BRD8: variants seen among roughly 807,000 people sequenced by gnomAD.
BRD8 encodes bromodomain containing 8.
Under a neutral mutation model 143.1 loss-of-function variants are expected in BRD8, and 67 were observed. That is an observed-to-expected ratio of 0.47 (90% CI 0.38 to 0.57). The LOEUF is 0.57. BRD8 is among the 20% of genes least tolerant of loss of function. BRD8 has a pLI of 0.00. For synonymous variants in BRD8, 505 were observed against 517.1 expected (o/e 0.98, Z 0.32); for missense variants, 1,103 against 1,503.0 (o/e 0.73, Z 4.40).
In BRD8 at chr5:138,145,871, G is replaced by C. The variant is rs1368826324; in HGVS notation, c.3286C>G (p.Leu1096Val). The part of the protein sequence containing the change: ...SHATSSKLTD[L>V]SQDDPVQDHL... The stretch of plus-strand genomic sequence containing the variant: ...TCCTGAACAGGGTCATCCTGGCTTA[G>C]ATCAGTCCTATGAGGATAAAACATG... Residue 1096 changes from leucine (L) to valine (V), a missense_variant, in exon 24 of 27, where the codon CTA (leucine) becomes GTA (valine). This residue lies in a region of BRD8 where 369 missense variants were observed against 445.5 expected (regional missense o/e 0.83). Transcript: ENST00000254900. 6.2e-7 allele frequency: 1 copy of C among 1,613,482 alleles called. No homozygotes were observed. Among genetic ancestry groups the C allele is most frequent in the Non-Finnish European group, 8.5e-7 (1 of 1,179,532 alleles).
intron 11 of BRD8, 87 bp from the exon 12 acceptor site, chr5:138,165,253 A>G: frequency 1.4e-6 from 2 of 1,399,938 alleles, no homozygotes; most frequent in Non-Finnish European, 1.9e-6. Flanking sequence ...GATGGCTTGA[A>G]TCTGCAGCTT....
chr5:138,164,613 C>A, intron 12 of BRD8, 101 bp downstream of exon 12: 1 of 1,368,852 alleles, frequency 7.3e-7, no homozygotes, highest in Non-Finnish European at 1.0e-6. Flanking sequence ...TCAAACATGT[C>A]AGAACTCAGG....
intron 4 of BRD8, 33 bp from the exon 5 acceptor site, chr5:138,171,193 C>T: frequency 6.3e-7 from 1 of 1,588,102 alleles, no homozygotes; most frequent in Non-Finnish European, 8.6e-7. Flanking sequence ...AATTCATATT[C>T]AAATAACATA....
At chr5:138,162,818 A>G (rs1332923720) in intron 15 of BRD8, among the ~76,000 whole-genome samples, 1 of 151,966 alleles carries the variant, frequency 6.6e-6, no homozygotes, top group Non-Finnish European at 1.5e-5. Context: ...GCAATGTAGC[A>G]AAACTTGGTT....
At chr5:138,166,404 T>G in intron 10 of BRD8, 114 bp downstream of exon 10, 1 of 674,226 alleles carries the variant, frequency 1.5e-6, no homozygotes, top group South Asian at 1.9e-5. Context: ...AGATGGCACA[T>G]GTCTATGTAG....
chr5:138,141,835 C>T (rs887236442), intron 25 of BRD8, among the ~76,000 whole-genome samples: 2 of 126,038 alleles, frequency 1.6e-5, no homozygotes, highest in Non-Finnish European at 3.9e-5. Flanking sequence ...GACTGAACTG[C>T]AGGTAAGAAT....
chr5:138,164,262 C>T, intron 13 of BRD8, 58 bp downstream of exon 13: 1 of 1,594,564 alleles, frequency 6.3e-7, no homozygotes, highest in Non-Finnish European at 8.6e-7. Flanking sequence ...CCACAACCCA[C>T]AACCCCTCAG....
intron 20 of BRD8, among the ~76,000 whole-genome samples, chr5:138,155,213 G>A (rs1204327846): frequency 1.3e-5 from 2 of 151,750 alleles, no homozygotes; most frequent in East Asian, 2.0e-4. Flanking sequence ...TTGGGAGGCC[G>A]AAGCGGGTGG....
chr5:138,177,322 G>T, intron 2 of BRD8: 2 of 265,886 alleles, frequency 7.5e-6, no homozygotes, highest in Non-Finnish European at 1.5e-5. Flanking sequence ...CTGAGGTCAG[G>T]AGTTCGAGAC....
At chr5:138,141,646 G>C (rs1751914103) in intron 25 of BRD8, among the ~76,000 whole-genome samples, 1 of 152,116 alleles carries the variant, frequency 6.6e-6, no homozygotes, top group Non-Finnish European at 1.5e-5. Context: ...GTTATTTGCT[G>C]TTTACAATGT....
intron 2 of BRD8, among the ~76,000 whole-genome samples, chr5:138,174,654 G>A (rs1366744024): frequency 6.6e-6 from 1 of 151,930 alleles, no homozygotes; most frequent in Non-Finnish European, 1.5e-5. Flanking sequence ...TTGTTAAAAG[G>A]GAAGAGATGT....
In BRD8 at chr5:138,152,748, A is replaced by T; in HGVS notation, c.2590T>A (p.Trp864Arg). The change falls in exon 21 of 27, where the codon TGG becomes AGG. Residue 864 changes from tryptophan to arginine, a missense_variant. Trp to Arg is a moderately radical substitution (Grantham distance 101). Around this residue, in one of 7 missense-constraint regions of BRD8, gnomAD observed 369 missense variants for 445.5 expected, o/e 0.83. Coordinates refer to ENST00000254900, the MANE Select transcript of BRD8 (RefSeq NM_139199.2). ...FLLSLFMGHE[W>R]VWLDSEQDHP... ...TCTTGTTCAGAATCCAGCCAAACCC[A>T]CTCGTGTCCCATCTGTAAATACACA... 1 of 1,612,592 alleles carries T rather than the reference A, an allele frequency of 6.2e-7. No individual in the cohort carries two copies. Among genetic ancestry groups the T allele is most frequent in the Non-Finnish European group, 8.5e-7 (1 of 1,178,866 alleles).
intron 11 of BRD8, among the ~76,000 whole-genome samples, chr5:138,165,621 G>A (rs1292858554): frequency 6.6e-6 from 1 of 151,794 alleles, no homozygotes; most frequent in African/African-American, 2.4e-5. Context: ...AGCTACTCAG[G>A]AGGCTGAGGC....
chr5:138,142,259 C>A (rs1052045759), intron 25 of BRD8, among the ~76,000 whole-genome samples: 1 of 152,178 alleles, frequency 6.6e-6, no homozygotes, highest in Admixed American at 6.5e-5. Context: ...ACCCACCTCA[C>A]ACACCAAAAC....
At chr5:138,154,965 G>A (rs554111436) in intron 20 of BRD8, among the ~76,000 whole-genome samples, 1 of 151,522 alleles carries the variant, frequency 6.6e-6, no homozygotes, top group Non-Finnish European at 1.5e-5. Context: ...GCGTAACTGG[G>A]ATTACAGGCG....
intron 23 of BRD8, among the ~76,000 whole-genome samples, chr5:138,148,800 C>T (rs896872026): frequency 9.2e-5 from 14 of 152,000 alleles, no homozygotes; most frequent in South Asian, 8.3e-4. Context: ...CACAGTGGCT[C>T]AAGCCTGTAA....
chr5:138,154,692 C>T (rs1253249574), intron 20 of BRD8, among the ~76,000 whole-genome samples: 2 of 152,112 alleles, frequency 1.3e-5, no homozygotes, highest in Non-Finnish European at 2.9e-5. Context: ...CTAATCGTAT[C>T]CTCTTAAACC....
In BRD8 at chr5:138,164,857, G is replaced by C; in HGVS notation, c.1588C>G (p.Pro530Ala). ...TCTGGTGGCTCCATACTTGTGGCTG[G>C]AACAACTCCAGCTACTATTTCGGCT... ...SGAEIVAGVV[P>A]ATSMEPPELR... The change falls in exon 12 of 27, where the codon CCA becomes GCA. Residue 530 changes from proline to alanine, a missense_variant. Around this residue, in one of 7 missense-constraint regions of BRD8, gnomAD observed 139 missense variants for 139.0 expected, o/e 1.00. Coordinates refer to ENST00000254900, the MANE Select transcript of BRD8 (RefSeq NM_139199.2). The C allele has an allele frequency of 6.2e-7, 1 of 1,614,140 alleles. No individual in the cohort carries two copies. Among genetic ancestry groups the C allele is most frequent in the South Asian group, 1.1e-5 (1 of 91,078 alleles).
chr5:138,152,433 T>G, intron 21 of BRD8, 49 bp downstream of exon 21: 1 of 1,599,700 alleles, frequency 6.3e-7, no homozygotes, highest in Non-Finnish European at 8.5e-7. Context: ...AAGCATTCTC[T>G]TAGAAAGTTG....
Sources: allele counts gnomAD v4.1 joint callset (sites outside exome capture counted in the v4.1 genomes callset), GRCh38; gene constraint gnomAD v4.1.1; regional missense constraint gnomAD v4.1.1; transcripts MANE v1.5; gene names NCBI Gene and HGNC (gene_info 2026-07-23, HGNC 2026-07-21).